The following PRKCE variants were observed in gnomAD, a reference collection of about 807,000 sequenced individuals.
The protein encoded by PRKCE is protein kinase C epsilon type.
Under a neutral mutation model 85.4 loss-of-function variants are expected in PRKCE, and 16 were observed. The ratio of observed to expected loss-of-function variants is 0.19; its 90% CI spans 0.13 to 0.28. The LOEUF is 0.28. Ranked by LOEUF, PRKCE falls within the 10% of genes least tolerant of loss-of-function variation. PRKCE has a pLI of 1.00. For missense variants in PRKCE, 573 were observed against 975.2 expected (o/e 0.59, Z 5.49); for synonymous variants, 388 against 371.5 (o/e 1.04, Z -0.51).
chr2:45,756,485 C>G (rs143483929), intron 1 of PRKCE, among the ~76,000 whole-genome samples: 115 of 152,306 alleles, frequency 7.6e-4, no homozygotes, highest in African/African-American at 2.5e-3. Flanking sequence ...CCATTTCACT[C>G]TAGGCCTTAA....
Position 45,802,493 on chromosome 2 carries a change from C to T in PRKCE, c.349-40507C>T, listed in dbSNP as rs143050318. Among the ~76,000 whole-genome samples the T allele has an allele frequency of 3.0e-3, 456 of 152,118 alleles. 5 individuals are homozygous for T. Among genetic ancestry groups the T allele is most frequent in the African/African-American group, 0.01 (428 of 41,494 alleles). ...AATTGATGTGAATGTGTTTTGAAAA[C>T]CTCAACGGAGTAGACTATTATAAAG... is the stretch of plus-strand genomic sequence containing the variant. On this transcript the variant is annotated intron_variant, in intron 1 of 14. Coordinates refer to ENST00000306156, the MANE Select transcript of PRKCE (RefSeq NM_005400.3).
At chr2:45,817,921 A>G (rs1394879248) in intron 1 of PRKCE, among the ~76,000 whole-genome samples, 2 of 152,226 alleles carry the variant, frequency 1.3e-5, no homozygotes, top group African/African-American at 4.8e-5. Context: ...GGCAAGCTAC[A>G]GGCCGAGTTT....
At chr2:45,785,440 A>C (rs1686522330) in intron 1 of PRKCE, among the ~76,000 whole-genome samples, 2 of 152,092 alleles carry the variant, frequency 1.3e-5, no homozygotes, top group African/African-American at 4.8e-5. Flanking sequence ...GCAGTGAGCC[A>C]AGATCATGCC....
intron 10 of PRKCE, among the ~76,000 whole-genome samples, chr2:46,016,806 G>A (rs1465293854): frequency 3.3e-5 from 5 of 151,744 alleles, no homozygotes; most frequent in Admixed American, 1.3e-4. Context: ...CTACTCAGGA[G>A]GCTAAGGCAG....
At chr2:46,135,745 G>A (rs377592237) in intron 11 of PRKCE, among the ~76,000 whole-genome samples, 1 of 14,904 alleles carries the variant, frequency 6.7e-5, no homozygotes, top group African/African-American at 2.7e-4. Context: ...AACAAATTAT[G>A]CTTTTTTTTT....
In PRKCE at chr2:45,697,039, TG is replaced by T. The variant is rs980670517; in HGVS notation, c.348+44592del. Among the ~76,000 whole-genome samples, 3 of 152,238 alleles carry T rather than the reference TG, an allele frequency of 2.0e-5. No individual in the cohort carries two copies. Among genetic ancestry groups the T allele is most frequent in the Non-Finnish European group, 4.4e-5 (3 of 68,038 alleles). ...CCAAGGCCCATGTTTGGTGCAGAGC[TG>T]AAAGCAAACCTTTTTGTGACTACAT... On this transcript the variant is annotated intron_variant, in intron 1 of 14. Coordinates refer to ENST00000306156, the MANE Select transcript of PRKCE (RefSeq NM_005400.3). This position sits in a 1 kb window ranked among gnomAD's most constrained non-coding sequence, Gnocchi z 4.2.
chr2:45,910,071 G>T (rs1697274121), intron 2 of PRKCE, among the ~76,000 whole-genome samples: 1 of 151,658 alleles, frequency 6.6e-6, no homozygotes, highest in Admixed American at 6.6e-5. Context: ...GCCCAGGAAT[G>T]TGTGACCAGG....
chr2:46,045,163 T>G (rs963907439), intron 10 of PRKCE, among the ~76,000 whole-genome samples: 1 of 152,144 alleles, frequency 6.6e-6, no homozygotes, highest in Non-Finnish European at 1.5e-5. Context: ...ATACCACATA[T>G]AGCAAAAATA....
rs1454938135 is a variant in PRKCE, at chr2:46,185,157, C to T, written c.*276C>T. Reference sequence around the variant, plus strand: ...CTGCCGTGTTTGGACCATTGGCAAGCCTGGTTCCACTCCTCAGGGGCTCCT... The same window carrying T: ...CTGCCGTGTTTGGACCATTGGCAAGTCTGGTTCCACTCCTCAGGGGCTCCT... On this transcript the variant is annotated 3_prime_UTR_variant, in exon 15 of 15. Transcript: ENST00000306156. This position sits in a 1 kb window ranked among gnomAD's most constrained non-coding sequence, Gnocchi z 4.7. 1 of 371,194 alleles carries T rather than the reference C, an allele frequency of 2.7e-6. No individual in the cohort carries two copies. Among genetic ancestry groups the T allele is most frequent in the Non-Finnish European group, 4.8e-6 (1 of 207,134 alleles). The allele number at this position is 371,194 out of a possible 1,614,324, so 23.0% of individuals were successfully genotyped here. A position where few individuals can be genotyped will look rare whatever the true frequency, so the allele number is the denominator to read the frequency against.
At chr2:45,839,862 G>C (rs1379028046) in intron 1 of PRKCE, among the ~76,000 whole-genome samples, 8 of 152,326 alleles carry the variant, frequency 5.3e-5, no homozygotes, top group Non-Finnish European at 8.8e-5. Context: ...AAAGCTCTTT[G>C]TTGCTTTTGG....
At chr2:45,727,829 A>G (rs1681214178) in intron 1 of PRKCE, among the ~76,000 whole-genome samples, 1 of 151,826 alleles carries the variant, frequency 6.6e-6, no homozygotes, top group African/African-American at 2.4e-5. Context: ...TAATTTTTGT[A>G]TTTTTAGTAG....
At chr2:46,042,506 C>A (rs1443827760) in intron 10 of PRKCE, among the ~76,000 whole-genome samples, 1 of 152,220 alleles carries the variant, frequency 6.6e-6, no homozygotes, top group Admixed American at 6.5e-5. Flanking sequence ...AATTGGCCAG[C>A]AGGGCTTAAG....
chr2:45,661,960 T>C (rs1402296326), intron 1 of PRKCE, among the ~76,000 whole-genome samples: 1 of 152,234 alleles, frequency 6.6e-6, no homozygotes, highest in African/African-American at 2.4e-5. Context: ...ATGGCATCTT[T>C]TGTTGCCAGT....
At chr2:46,148,449 C>G (rs1174510002) in intron 12 of PRKCE, among the ~76,000 whole-genome samples, 1 of 152,234 alleles carries the variant, frequency 6.6e-6, no homozygotes, top group African/African-American at 2.4e-5. Context: ...TTCCACAGCA[C>G]CATCCAGTCT....
In PRKCE at chr2:45,728,250, A is replaced by G. The variant is rs564637275; in HGVS notation, c.348+75802A>G. Among the ~76,000 whole-genome samples, 4 of 152,346 alleles carry G rather than the reference A, an allele frequency of 2.6e-5. No individual in the cohort carries two copies. In the South Asian group the frequency reaches 6.2e-4, roughly 24 times the overall value. ...TTTTGGCTTCAAAGGGCAAAGGATC[A>G]AGGTTAGGGCAAGTAGAAATTTCTC... is the stretch of plus-strand genomic sequence containing the variant. On this transcript the variant is annotated intron_variant, in intron 1 of 14. Coordinates refer to ENST00000306156, the MANE Select transcript of PRKCE (RefSeq NM_005400.3).
chr2:45,908,418 T>C (rs978664487), intron 2 of PRKCE, among the ~76,000 whole-genome samples: 3 of 152,142 alleles, frequency 2.0e-5, no homozygotes, highest in African/African-American at 7.2e-5. Context: ...GCTAAGTAAG[T>C]GTGACTGGAA....
chr2:46,181,611 A>G (rs985598495), intron 14 of PRKCE, among the ~76,000 whole-genome samples: 5 of 152,216 alleles, frequency 3.3e-5, no homozygotes, highest in African/African-American at 1.2e-4. Flanking sequence ...AAATTCAGAC[A>G]TCCTGTAGGA....
chr2:45,717,804 A>C (rs145332888), intron 1 of PRKCE, among the ~76,000 whole-genome samples: 65 of 152,286 alleles, frequency 4.3e-4, no homozygotes, highest in African/African-American at 1.5e-3. Flanking sequence ...AAACTGCATA[A>C]TTGGCCTCAT....
At chr2:45,952,851 C>T (rs1700717430) in intron 2 of PRKCE, among the ~76,000 whole-genome samples, 1 of 152,184 alleles carries the variant, frequency 6.6e-6, no homozygotes, top group African/African-American at 2.4e-5. Flanking sequence ...GTCTATTAGA[C>T]AACCAGTGTC....
Sources: allele counts gnomAD v4.1 joint callset (sites outside exome capture counted in the v4.1 genomes callset), GRCh38; gene constraint gnomAD v4.1.1; non-coding constraint Gnocchi (gnomAD v3.1); transcripts MANE v1.5; gene names NCBI Gene and HGNC (gene_info 2026-07-23, HGNC 2026-07-21).